Variants in ZNF714 observed in about 807,000 individuals in gnomAD.
ZNF714 encodes the protein zinc finger protein 714.
ZNF714 carries 32 observed loss-of-function variants against 46.2 expected under a neutral mutation model. The ratio of observed to expected loss-of-function variants is 0.69; its 90% CI spans 0.52 to 0.93. The LOEUF is 0.93. Ranked by LOEUF, ZNF714 falls within the 40% of genes least tolerant of loss-of-function variation. The pLI, the probability that ZNF714 is intolerant of heterozygous loss-of-function variation, is 0.00. For synonymous variants in ZNF714, 199 were observed against 213.1 expected, an observed-to-expected ratio of 0.93 and a Z score of 0.58; for missense variants, 635 against 646.3, an observed-to-expected ratio of 0.98 and a Z score of 0.19.
rs191439581 is a variant in ZNF714, at chr19:21,086,545, T to C, written c.-85+2476T>C. ...TAAACTGTTACGACACTGGTAAGAG[T>C]GTAGCAGTGAGGGTGACCAGAGGTC... On this transcript the variant is annotated intron_variant, in intron 2 of 4. Coordinates refer to ENST00000456283, the MANE Select transcript of ZNF714 (RefSeq NM_182515.4). Among the ~76,000 whole-genome samples the C allele has an allele frequency of 5.8e-4, 88 of 152,210 alleles. 1 individual carries two copies. The highest frequency in any genetic ancestry group is 1.1e-3 in the Non-Finnish European group (74 of 68,010).
chr19:21,110,439 GTTGT>G (rs1307419118), intron 4 of ZNF714, among the ~76,000 whole-genome samples: 1 of 152,034 alleles, frequency 6.6e-6, no homozygotes, highest in Non-Finnish European at 1.5e-5. Flanking sequence ...TTTTAATGAG[GTTGT>G]TTGTTTTATT....
chr19:21,092,654 G>T (rs1968938658), intron 2 of ZNF714, among the ~76,000 whole-genome samples: 1 of 152,042 alleles, frequency 6.6e-6, no homozygotes, highest in African/African-American at 2.4e-5. Flanking sequence ...TGTGTCATGG[G>T]GTTTTGGTGT....
intron 2 of ZNF714, among the ~76,000 whole-genome samples, chr19:21,095,809 C>T (rs768793798): frequency 2.0e-5 from 3 of 152,156 alleles, no homozygotes; most frequent in African/African-American, 7.2e-5. Context: ...TTGACTCCAC[C>T]GGACTTTGTC....
Position 21,122,099 on chromosome 19 carries a change from A to ATATT in ZNF714, c.*3776_*3779dup, listed in dbSNP as rs1969712898. ...TTCACTTTTTATAATTGACATAAGTATATTTATTTATTGAGTCAATTTGTT... is the reference window on the plus strand; with the variant it reads ...TTCACTTTTTATAATTGACATAAGTATATTTATTTATTTATTGAGTCAATTTGTT... On this transcript the variant is annotated 3_prime_UTR_variant, in exon 5 of 5. Coordinates refer to ENST00000456283, the MANE Select transcript of ZNF714 (RefSeq NM_182515.4). 1 of 152,174 alleles carries ATATT rather than the reference A, an allele frequency of 6.6e-6. No individual in the cohort carries two copies. Among genetic ancestry groups the ATATT allele is most frequent in the African/African-American group, 2.4e-5 (1 of 41,440 alleles). The allele number at this position is 152,174 out of a possible 1,614,324, so 9.4% of individuals were successfully genotyped here.
Position 21,121,107 on chromosome 19 carries a change from C to T in ZNF714, c.*2775C>T, listed in dbSNP as rs1395723727. ...GGCTGGAGTGTGCAATCTCGGCTCA[C>T]TGCAAGCTCCACTTCCCGGGTTCAC... On this transcript the variant is annotated 3_prime_UTR_variant, in exon 5 of 5. Transcript: ENST00000456283. 6.6e-6 allele frequency: 1 copy of T among 152,222 alleles called. No homozygotes were observed. Among genetic ancestry groups the T allele is most frequent in the African/African-American group, 2.4e-5 (1 of 41,456 alleles). 9.4% of individuals were successfully genotyped at this position (152,222 alleles called of 1,614,324 possible).
Position 21,117,710 on chromosome 19 carries a change from C to T in ZNF714, c.1046C>T (p.Ala349Val), listed in dbSNP as rs1425389031. ...TACAAATGTGAAGAATGTGGCAAAG[C>T]CTTTAATGTGTCTTCACACCTTACT... ...KPYKCEECGK[A>V]FNVSSHLTTH... The change falls in exon 5 of 5, where the codon GCC becomes GTC. Residue 349 changes from alanine (A) to valine (V), a missense_variant. Ala to Val is a moderately conservative substitution (Grantham distance 64, BLOSUM62 0). Coordinates refer to ENST00000456283, the MANE Select transcript of ZNF714 (RefSeq NM_182515.4). 1 of 1,613,342 alleles carries T rather than the reference C, an allele frequency of 6.2e-7. No homozygotes were observed. The highest frequency in any genetic ancestry group is 2.2e-5 in the East Asian group (1 of 44,804).
At chr19:21,098,084 C>T (rs1969085664) in intron 2 of ZNF714, 101 bp from the exon 3 acceptor site, 3 of 1,469,924 alleles carry the variant, frequency 2.0e-6, no homozygotes, top group African/African-American at 2.9e-5. Flanking sequence ...TATAAGTCAA[C>T]CAATTCTCTT....
At chr19:21,109,377 C>T (rs1449481579) in intron 4 of ZNF714, among the ~76,000 whole-genome samples, 1 of 152,028 alleles carries the variant, frequency 6.6e-6, no homozygotes, top group African/African-American at 2.4e-5. Context: ...ATCCCAAGCC[C>T]AGATAGTTTT....
In ZNF714 at chr19:21,117,336, T is replaced by C; in HGVS notation, c.672T>C (p.Thr224=). ...STLTTHKMIH[T]GEKPYRCEEC... ...TTACTACACATAAGATGATTCATAC[T>C]GGAGAGAAACCCTACAGATGTGAAG... The change falls in exon 5 of 5, where the codon ACT becomes ACC. Residue 224 remains threonine, a synonymous_variant. Coordinates refer to ENST00000456283, the MANE Select transcript of ZNF714 (RefSeq NM_182515.4). The C allele has an allele frequency of 6.2e-7, 1 of 1,612,426 alleles. No individual in the cohort carries two copies.
In ZNF714 at chr19:21,112,707, G is replaced by T. The variant is rs117147169; in HGVS notation, c.143-4100G>T. Among the ~76,000 whole-genome samples the T allele has an allele frequency of 7.5e-3, 1,132 of 150,156 alleles. 7 individuals are homozygous for T. Among genetic ancestry groups the T allele is most frequent in the Non-Finnish European group, 0.013 (857 of 67,576 alleles). On this transcript the variant is annotated intron_variant, in intron 4 of 4. Coordinates refer to ENST00000456283, the MANE Select transcript of ZNF714 (RefSeq NM_182515.4). ...AGATCTTTCTGGCTTTTTCATTTGG[G>T]TATTTAGTGCTATAAATTTCCCCAT...
chr19:21,093,067 G>A (rs1968955291), intron 2 of ZNF714, among the ~76,000 whole-genome samples: 1 of 148,088 alleles, frequency 6.8e-6, no homozygotes, highest in Non-Finnish European at 1.5e-5. Context: ...CTGCCACCAC[G>A]CCTAGCTAAT....
At chr19:21,105,026 CTTTTTTTTTT>C (rs34750232) in intron 4 of ZNF714, among the ~76,000 whole-genome samples, 59 of 129,758 alleles carry the variant, frequency 4.5e-4, no homozygotes, top group African/African-American at 1.7e-3. Context: ...TCATTTCTTT[CTTTTTTTTTT>C]TTTTTTGAGA....
At position 21,084,196 on chromosome 19, in the gene ZNF714, T is replaced by A. The variant is rs146786676; in HGVS notation, c.-85+127T>A. On this transcript the variant is annotated intron_variant, in intron 2 of 4. Transcript: ENST00000456283. The stretch of plus-strand genomic sequence containing the variant: ...AAATAGTGTTAAAAAGAAAAAAAAA[T>A]TGTGACAGAAAAAATAGTATCCCAA... 6.4e-3 allele frequency: 1,597 copies of A among 248,820 alleles called. 8 individuals are homozygous for A. The highest frequency in any genetic ancestry group is 0.014 in the Middle Eastern group (7 of 498). 15.4% of individuals were successfully genotyped at this position (248,820 alleles called of 1,614,324 possible).
chr19:21,099,637 T>G (rs1234567964), intron 4 of ZNF714, among the ~76,000 whole-genome samples: 2 of 152,206 alleles, frequency 1.3e-5, no homozygotes, highest in Non-Finnish European at 2.9e-5. Context: ...AGTTTGAAAT[T>G]ATAAATTATG....
At position 21,085,130 on chromosome 19, in the gene ZNF714, G is replaced by A. The variant is rs138144850; in HGVS notation, c.-85+1061G>A. On this transcript the variant is annotated intron_variant, in intron 2 of 4. Transcript: ENST00000456283. Reference sequence around the variant, plus strand: ...CAGCTTTTAGAATGCTAGCTACCGAGGAAAAGAATAGGGAAAATCTCTATT... The same window carrying A: ...CAGCTTTTAGAATGCTAGCTACCGAAGAAAAGAATAGGGAAAATCTCTATT... 1.7e-3 allele frequency among the ~76,000 whole-genome samples: 263 copies of A among 152,142 alleles called. 1 individual carries two copies. The highest frequency in any genetic ancestry group is 6.0e-3 in the African/African-American group (248 of 41,492).
In ZNF714 at chr19:21,121,938, G is replaced by A. The variant is rs1169925326; in HGVS notation, c.*3606G>A. The A allele has an allele frequency of 3.9e-5, 6 of 152,102 alleles. No homozygotes were observed. Among genetic ancestry groups the A allele is most frequent in the Admixed American group, 2.6e-4 (4 of 15,266 alleles). The allele number at this position is 152,102 out of a possible 1,614,324, so 9.4% of individuals were successfully genotyped here. ...ATTATAAGAATTTTTATGAAATTTA[G>A]TGCACACAAAATAATTTTTAGATGT... On this transcript the variant is annotated 3_prime_UTR_variant, in exon 5 of 5. Transcript: ENST00000456283.
intron 4 of ZNF714, among the ~76,000 whole-genome samples, chr19:21,099,942 A>C (rs1016856088): frequency 6.6e-6 from 1 of 152,100 alleles, no homozygotes. Flanking sequence ...TGCAACCTCC[A>C]CTTTCCGAGT....
intron 2 of ZNF714, among the ~76,000 whole-genome samples, chr19:21,084,835 G>A (rs991020587): frequency 2.0e-5 from 3 of 151,746 alleles, no homozygotes; most frequent in Non-Finnish European, 4.4e-5. Flanking sequence ...GGCCAGGCTG[G>A]TCTCAAACTC....
intron 4 of ZNF714, among the ~76,000 whole-genome samples, chr19:21,112,817 T>TTTTTTTTTTTTTTTA: frequency 8.2e-5 from 2 of 24,494 alleles, no homozygotes; most frequent in Non-Finnish European, 1.6e-4. Context: ...TTATTTCTGA[T>TTTTTTTTTTTTTTTA]TTTTTTTTTT....
Sources: allele counts gnomAD v4.1 joint callset (sites outside exome capture counted in the v4.1 genomes callset), GRCh38; gene constraint gnomAD v4.1.1; transcripts MANE v1.5; gene names NCBI Gene and HGNC (gene_info 2026-07-23, HGNC 2026-07-21).